The following STK33 variants were observed in gnomAD, a reference collection of about 807,000 sequenced individuals.
STK33 encodes the protein serine/threonine kinase 33, also known as serine/threonine-protein kinase 33.
STK33 carries 52 observed loss-of-function variants against 58.0 expected under a neutral mutation model. That is an observed-to-expected ratio of 0.90 (90% CI 0.72 to 1.13). STK33 has a LOEUF of 1.13. STK33 is among the 50% of genes most tolerant of loss of function. STK33 has a pLI of 0.00. For synonymous variants in STK33, 215 were observed against 200.1 expected, an observed-to-expected ratio of 1.07 and a Z score of -0.63; for missense variants, 630 against 604.2, an observed-to-expected ratio of 1.04 and a Z score of -0.45.
intron 1 of STK33, among the ~76,000 whole-genome samples, chr11:8,560,075 C>A (rs970405547): frequency 6.6e-6 from 1 of 152,042 alleles, no homozygotes; most frequent in Non-Finnish European, 1.5e-5. Context: ...CAAATGGTTT[C>A]TATTACAAAT....
chr11:8,364,889 T>G, the STK33 span, among the ~76,000 whole-genome samples: 1 of 152,130 alleles, frequency 6.6e-6, no homozygotes, highest in African/African-American at 2.4e-5. Context: ...TTCTATTGGT[T>G]AAAGATTTCT....
chr11:8,561,059 T>C (rs1205443766), intron 1 of STK33, among the ~76,000 whole-genome samples: 2 of 152,216 alleles, frequency 1.3e-5, no homozygotes, highest in Admixed American at 1.3e-4. Context: ...TTAGAGCCTT[T>C]ACATTTTCTT....
chr11:8,383,250 G>C, the STK33 span, among the ~76,000 whole-genome samples: 1 of 152,318 alleles, frequency 6.6e-6, no homozygotes, highest in South Asian at 2.1e-4. Flanking sequence ...AAGGCACACA[G>C]GGCTGTGGGA....
chr11:8,392,276 C>G lies in STK33; in HGVS notation c.*234G>C. The G allele has an allele frequency of 1.8e-6, 1 of 542,952 alleles. No homozygotes were observed. 33.6% of individuals were successfully genotyped at this position (542,952 alleles called of 1,614,324 possible). On this transcript the variant is annotated 3_prime_UTR_variant, in exon 16 of 16. Transcript: ENST00000687296. ...TTCGTGTACATCTTGAGTTGATTTC[C>G]ACTGCAGCCCACTGCCAAGCCTACT...
At chr11:8,339,817 A>G in the STK33 span, among the ~76,000 whole-genome samples, 1 of 152,078 alleles carries the variant, frequency 6.6e-6, no homozygotes, top group Non-Finnish European at 1.5e-5. Flanking sequence ...TCCAAGCCCA[A>G]CCTCTTCCCG....
chr11:8,387,115 T>C (rs1848554572), downstream of STK33, among the ~76,000 whole-genome samples: 1 of 152,372 alleles, frequency 6.6e-6, no homozygotes, highest in African/African-American at 2.4e-5. Context: ...CTTTCCCTGA[T>C]ATAGTGCTTG....
chr11:8,377,890 T>C, the STK33 span, among the ~76,000 whole-genome samples: 15 of 152,102 alleles, frequency 9.9e-5, no homozygotes, highest in Admixed American at 3.3e-4. Flanking sequence ...AGGAATATAC[T>C]TAACCAAGGA....
intron 1 of STK33, among the ~76,000 whole-genome samples, chr11:8,530,130 C>T (rs7102605): frequency 0.09 from 13,638 of 152,172 alleles, 1,423 homozygotes; most frequent in African/African-American, 0.26. Context: ...GAGCATCACA[C>T]AGTGTCCTGA....
At chr11:8,554,418 CAA>C (rs35967209) in intron 1 of STK33, among the ~76,000 whole-genome samples, 16 of 58,738 alleles carry the variant, frequency 2.7e-4, no homozygotes, top group African/African-American at 4.4e-4. Context: ...GACTCCATCT[CAA>C]AAAAAAAAAA....
At chr11:8,442,050 C>T (rs1944820802) in intron 11 of STK33, among the ~76,000 whole-genome samples, 1 of 151,792 alleles carries the variant, frequency 6.6e-6, no homozygotes, top group Non-Finnish European at 1.5e-5. Context: ...CACACACACA[C>T]ACACACACAC....
At chr11:8,451,418 C>G (rs1373045438) in intron 11 of STK33, among the ~76,000 whole-genome samples, 1 of 152,128 alleles carries the variant, frequency 6.6e-6, no homozygotes, top group Non-Finnish European at 1.5e-5. Flanking sequence ...GAGCAGACTA[C>G]AGATACATGC....
chr11:8,546,100 C>T (rs1165389068), intron 1 of STK33, among the ~76,000 whole-genome samples: 1 of 152,154 alleles, frequency 6.6e-6, no homozygotes, highest in Non-Finnish European at 1.5e-5. Context: ...AAATGATACA[C>T]CTGTATAGGG....
At chr11:8,355,418 G>A in the STK33 span, among the ~76,000 whole-genome samples, 2 of 152,324 alleles carry the variant, frequency 1.3e-5, no homozygotes, top group East Asian at 3.9e-4. Flanking sequence ...GGTACTGGAC[G>A]GCTCTAGGTC....
intron 1 of STK33, among the ~76,000 whole-genome samples, chr11:8,565,244 C>T (rs1219058759): frequency 1.3e-5 from 2 of 152,132 alleles, no homozygotes; most frequent in African/African-American, 4.8e-5. Flanking sequence ...GGTTTTTCAC[C>T]ATGATTTATA....
At chr11:8,479,858 T>A (rs1208213835) in intron 2 of STK33, among the ~76,000 whole-genome samples, 16 of 151,574 alleles carry the variant, frequency 1.1e-4, no homozygotes, top group African/African-American at 3.6e-4. Context: ...AAATAACAAA[T>A]AAAAAAATAA....
At chr11:8,343,803 C>T in the STK33 span, among the ~76,000 whole-genome samples, 3 of 152,164 alleles carry the variant, frequency 2.0e-5, no homozygotes, top group Non-Finnish European at 4.4e-5. Flanking sequence ...CCTTAGCCCT[C>T]GAGGGCAGTG....
At chr11:8,512,531 T>C (rs2139504155) in intron 1 of STK33, among the ~76,000 whole-genome samples, 1 of 152,342 alleles carries the variant, frequency 6.6e-6, no homozygotes, top group Admixed American at 6.5e-5. Context: ...GTAACAGCTA[T>C]GGTCCTAAGG....
At chr11:8,415,986 G>A (rs778550217) in intron 14 of STK33, among the ~76,000 whole-genome samples, 12 of 152,080 alleles carry the variant, frequency 7.9e-5, no homozygotes, top group Non-Finnish European at 1.3e-4. Flanking sequence ...GCACACAAAC[G>A]CATATCATGA....
intron 1 of STK33, among the ~76,000 whole-genome samples, chr11:8,561,374 C>T (rs1957101251): frequency 6.6e-6 from 1 of 152,178 alleles, no homozygotes; most frequent in Admixed American, 6.5e-5. Context: ...TGCCTCCTGG[C>T]TTTGGCTATT....
Sources: gnomAD v4.1 joint callset for allele counts (sites outside exome capture counted in the v4.1 genomes callset) on GRCh38, gnomAD v4.1.1 for gene constraint, MANE v1.5 for transcripts, NCBI Gene and HGNC (gene_info 2026-07-23, HGNC 2026-07-21) for gene names.